The following CNNM4 variants were observed in gnomAD, a reference collection of about 807,000 sequenced individuals.
The protein encoded by CNNM4 is metal transporter CNNM4.
Under a neutral mutation model 53.7 loss-of-function variants are expected in CNNM4, and 32 were observed. The ratio of observed to expected loss-of-function variants is 0.60; its 90% CI spans 0.45 to 0.80. The LOEUF is 0.80. Ranked by LOEUF, CNNM4 falls within the 30% of genes least tolerant of loss-of-function variation. The pLI, the probability that CNNM4 is intolerant of heterozygous loss-of-function variation, is 0.00. For missense variants in CNNM4, 784 were observed against 1,022.0 expected, an observed-to-expected ratio of 0.77 and a Z score of 3.17; for synonymous variants, 410 against 440.0, an observed-to-expected ratio of 0.93 and a Z score of 0.85.
chr2:96,804,006 C>T (rs1430413402), intron 5 of CNNM4, among the ~76,000 whole-genome samples: 1 of 151,906 alleles, frequency 6.6e-6, no homozygotes, highest in Non-Finnish European at 1.5e-5. Context: ...TCAAGTGACC[C>T]TCCCACCTCA....
In CNNM4 at chr2:96,797,297, G is replaced by T; in HGVS notation, c.1546+142G>T. 1 of 1,354,668 alleles carries T rather than the reference G, an allele frequency of 7.4e-7. No homozygotes were observed. Among genetic ancestry groups the T allele is most frequent in the Non-Finnish European group, 1.0e-6 (1 of 965,818 alleles). The allele number at this position is 1,354,668 out of a possible 1,614,324, so 83.9% of individuals were successfully genotyped here. A position where few individuals can be genotyped will look rare whatever the true frequency, so the allele number is the denominator to read the frequency against. The stretch of plus-strand genomic sequence containing the variant: ...AGTGGCTGGGTGCCCTGCACTGGCC[G>T]GGGTGAGCAGGGAGCAGGTTGCTGA... On this transcript the variant is annotated intron_variant, in intron 2 of 6. Transcript: ENST00000377075. The surrounding 1 kb of genome is among the most constrained non-coding windows in gnomAD (Gnocchi z 6.0).
chr2:96,764,663 C>T (rs1404166983), intron 1 of CNNM4, among the ~76,000 whole-genome samples: 1 of 152,186 alleles, frequency 6.6e-6, no homozygotes, highest in Non-Finnish European at 1.5e-5. Context: ...TTACCCAGGA[C>T]ACAGCACACA....
Position 96,808,789 on chromosome 2 carries a change from G to GA in CNNM4, c.2130+49dup, listed in dbSNP as rs2153351695. On this transcript the variant is annotated intron_variant, in intron 6 of 6. Transcript: ENST00000377075. This position sits in a 1 kb window ranked among gnomAD's most constrained non-coding sequence, Gnocchi z 4.9. ...CTGGGCAGTGCTATCTTCTGCTCAG[G>GA]AATCAGCTACTACTTTCATCCACCA... 2 of 1,584,944 alleles carry GA rather than the reference G, an allele frequency of 1.3e-6. No homozygotes were observed. Among genetic ancestry groups the GA allele is most frequent in the East Asian group, 4.5e-5 (2 of 44,718 alleles).
Position 96,789,479 on chromosome 2 carries a change from C to T in CNNM4, c.1403-7533C>T, listed in dbSNP as rs190237573. 1.8e-3 allele frequency among the ~76,000 whole-genome samples: 267 copies of T among 152,200 alleles called. 3 individuals carry two copies. The highest frequency in any genetic ancestry group is 0.014 in the Admixed American group (211 of 15,288). On this transcript the variant is annotated intron_variant, in intron 1 of 6. Transcript: ENST00000377075. ...TGGTGTTCTTTGACTGTGGAGGGCA[C>T]GGTCCCACCTGGCTGCTGCTGGACA...
chr2:96,766,825 T>C (rs2078823348), intron 1 of CNNM4, among the ~76,000 whole-genome samples: 1 of 152,122 alleles, frequency 6.6e-6, no homozygotes, highest in Admixed American at 6.6e-5. Flanking sequence ...AGAGGATCAT[T>C]CCCATTTTAA....
intron 1 of CNNM4, among the ~76,000 whole-genome samples, chr2:96,789,778 C>T (rs1391893590): frequency 3.3e-5 from 5 of 151,612 alleles, no homozygotes; most frequent in African/African-American, 7.3e-5. Flanking sequence ...CTGCAACCTC[C>T]GCCTCCTAGG....
At chr2:96,775,765 A>C (rs552779178) in intron 1 of CNNM4, among the ~76,000 whole-genome samples, 4 of 152,134 alleles carry the variant, frequency 2.6e-5, no homozygotes, top group African/African-American at 9.6e-5. Flanking sequence ...TCTCTCTGTC[A>C]TCCAGGCTGG....
Position 96,781,088 on chromosome 2 carries a change from C to T in CNNM4, c.1403-15924C>T, listed in dbSNP as rs1420264133. ...CCGCCTCCCGGGTTCACGCCATTCT[C>T]CTGCCTCAGCCTCCCGAGTAGCTGG... On this transcript the variant is annotated intron_variant, in intron 1 of 6. Transcript: ENST00000377075. Among the ~76,000 whole-genome samples, 4 of 148,964 alleles carry T rather than the reference C, an allele frequency of 2.7e-5. No individual in the cohort carries two copies. In the South Asian group the frequency reaches 6.4e-4, roughly 24 times the overall value.
intron 5 of CNNM4, among the ~76,000 whole-genome samples, chr2:96,805,440 A>AAATTTTTTTTTTTTTTTTTTTTTTTTGT: frequency 1.1e-5 from 1 of 87,482 alleles, no homozygotes; most frequent in Non-Finnish European, 2.2e-5. Flanking sequence ...TTTTTTTTTT[A>AAATTTTTTTTTTTTTTTTTTTTTTTTGT]TTATTTTTTT....
intron 1 of CNNM4, among the ~76,000 whole-genome samples, chr2:96,770,336 C>T (rs2078857649): frequency 6.6e-6 from 1 of 152,208 alleles, no homozygotes; most frequent in Non-Finnish European, 1.5e-5. Context: ...GATGTTTAAC[C>T]TTGAAAATGG....
At chr2:96,762,796 A>G (rs1428621638) in intron 1 of CNNM4, among the ~76,000 whole-genome samples, 1 of 152,140 alleles carries the variant, frequency 6.6e-6, no homozygotes, top group African/African-American at 2.4e-5. Flanking sequence ...GGGAAGGAGC[A>G]TTTGAGGAGA....
chr2:96,762,254 G>A lies in CNNM4; in HGVS notation c.1255G>A (p.Val419Ile). 2 of 1,614,118 alleles carry A rather than the reference G, an allele frequency of 1.2e-6. No individual in the cohort carries two copies. The highest frequency in any genetic ancestry group is 1.7e-6 in the Non-Finnish European group (2 of 1,180,032). The change falls in exon 1 of 7, where the codon GTA becomes ATA. Residue 419 changes from valine to isoleucine, a missense_variant. Physicochemically the swap from Val to Ile is conservative, Grantham distance 29 (BLOSUM62 3). This residue lies in a region of CNNM4 where 473 missense variants were observed against 624.6 expected (regional missense o/e 0.76). Coordinates refer to ENST00000377075, the MANE Select transcript of CNNM4 (RefSeq NM_020184.4). ...GTTCGAAGACGAGCAGTCCAATATTGTAGATATTCTCTACGTCAAAGACTT... is the reference window on the plus strand; with the variant it reads ...GTTCGAAGACGAGCAGTCCAATATTATAGATATTCTCTACGTCAAAGACTT... ...PVFEDEQSNI[V>I]DILYVKDLAF...
At chr2:96,794,724 CA>C (rs1230200019) in intron 1 of CNNM4, among the ~76,000 whole-genome samples, 1 of 152,108 alleles carries the variant, frequency 6.6e-6, no homozygotes, top group Non-Finnish European at 1.5e-5. Context: ...CTTCTAAGTC[CA>C]AGGTTAGGAA....
At chr2:96,785,664 C>T (rs567187403) in intron 1 of CNNM4, among the ~76,000 whole-genome samples, 15 of 151,030 alleles carry the variant, frequency 9.9e-5, no homozygotes, top group African/African-American at 3.4e-4. Flanking sequence ...ATTAGCTGGG[C>T]GTGGTAGCAT....
chr2:96,761,092 G>T lies in CNNM4; in HGVS notation c.93G>T (p.Trp31Cys). Residue 31 changes from tryptophan (W) to cysteine (C), a missense_variant, in exon 1 of 7, where the codon TGG becomes TGT. Transcript: ENST00000377075. This position sits in a 1 kb window ranked among gnomAD's most constrained non-coding sequence, Gnocchi z 6.0. ...LAAPVLLVLLWALGARGQGSP... is the reference protein window; with the variant it reads ...LAAPVLLVLLCALGARGQGSP... ...CGCCGGTGCTGCTGGTGCTGCTGTG[G>T]GCGCTGGGGGCCCGGGGCCAGGGCA... 6.6e-7 allele frequency: 1 copy of T among 1,521,940 alleles called. No homozygotes were observed. Among genetic ancestry groups the T allele is most frequent in the Non-Finnish European group, 8.8e-7 (1 of 1,130,340 alleles). 94.3% of individuals were successfully genotyped at this position (1,521,940 alleles called of 1,614,324 possible). A position where few individuals can be genotyped will look rare whatever the true frequency, so the allele number is the denominator to read the frequency against.
At chr2:96,785,680 G>C (rs764041798) in intron 1 of CNNM4, among the ~76,000 whole-genome samples, 3 of 151,326 alleles carry the variant, frequency 2.0e-5, no homozygotes, top group Non-Finnish European at 4.4e-5. Flanking sequence ...AGCATGTGCC[G>C]GTAGTCCCAG....
intron 1 of CNNM4, among the ~76,000 whole-genome samples, chr2:96,792,964 G>A (rs974333803): frequency 6.6e-6 from 1 of 152,128 alleles, no homozygotes; most frequent in Non-Finnish European, 1.5e-5. Flanking sequence ...CTTGGATAGA[G>A]GAATCTGGAG....
At chr2:96,764,422 AGGGAACT>A (rs1359561222) in intron 1 of CNNM4, among the ~76,000 whole-genome samples, 1 of 152,164 alleles carries the variant, frequency 6.6e-6, no homozygotes, top group African/African-American at 2.4e-5. Context: ...TGGTAAACCC[AGGGAACT>A]GCACACAGGC....
In CNNM4 at chr2:96,799,086, T is replaced by C; in HGVS notation, c.1711T>C (p.Ser571Pro). ...CTCTCAGTTTAGCCCCTCCCTGATATCAGAGAAGATCCTGCTGCGGCTACT... is the reference window on the plus strand; with the variant it reads ...CTCTCAGTTTAGCCCCTCCCTGATACCAGAGAAGATCCTGCTGCGGCTACT... ...EVSQFSPSLI[S>P]EKILLRLLKY... Residue 571 changes from serine (S) to proline (P), a missense_variant, in exon 4 of 7, where the codon TCA becomes CCA. Ser to Pro is a moderately conservative substitution (Grantham distance 74, BLOSUM62 -1). Coordinates refer to ENST00000377075, the MANE Select transcript of CNNM4 (RefSeq NM_020184.4). The C allele has an allele frequency of 3.7e-6, 6 of 1,614,096 alleles. No individual in the cohort carries two copies. Among genetic ancestry groups the C allele is most frequent in the Non-Finnish European group, 5.1e-6 (6 of 1,179,992 alleles).
Sources: allele counts gnomAD v4.1 joint callset (sites outside exome capture counted in the v4.1 genomes callset), GRCh38; gene constraint gnomAD v4.1.1; regional missense constraint gnomAD v4.1.1; non-coding constraint Gnocchi (gnomAD v3.1); transcripts MANE v1.5; gene names NCBI Gene and HGNC (gene_info 2026-07-23, HGNC 2026-07-21).